PPFIA1: variants seen among roughly 807,000 people sequenced by gnomAD.
The protein encoded by PPFIA1 is PPFI scaffold protein A1.
A neutral mutation model predicts 149.9 loss-of-function variants in PPFIA1; 25 were observed. The observed-to-expected ratio is 0.17, with a 90% CI of 0.12 to 0.23. The LOEUF (loss-of-function observed/expected upper bound fraction) is 0.23. Ranked by LOEUF, PPFIA1 falls within the 10% of genes least tolerant of loss-of-function variation. The pLI is 1.00. For missense variants in PPFIA1, 1,362 were observed against 1,506.5 expected (o/e 0.90, Z 1.59); for synonymous variants, 549 against 552.8 (o/e 0.99, Z 0.10).
intron 2 of PPFIA1, among the ~76,000 whole-genome samples, chr11:70,316,773 A>C (rs1242663680): frequency 6.6e-6 from 1 of 152,268 alleles, no homozygotes; most frequent in East Asian, 1.9e-4. Flanking sequence ...AAGATGGATC[A>C]CTTTTGGCAA....
intron 21 of PPFIA1, among the ~76,000 whole-genome samples, chr11:70,370,552 A>G (rs1288015992): frequency 6.6e-6 from 1 of 151,644 alleles, no homozygotes; most frequent in East Asian, 2.0e-4. Context: ...ATGCCCAGCT[A>G]ATTTTTGTAT....
At chr11:70,282,681 A>G (rs1201669768) in intron 2 of PPFIA1, among the ~76,000 whole-genome samples, 2 of 151,186 alleles carry the variant, frequency 1.3e-5, no homozygotes, top group Non-Finnish European at 1.5e-5. Context: ...GGTGCCCGCC[A>G]CTACATCCAG....
Position 70,277,060 on chromosome 11 carries a change from A to ATATATATATATATT in PPFIA1, c.264+4625_264+4626insATATATATATATTT. ...GAGATATATATATATATATATATAT[A>ATATATATATATATT]TTTTTTTTTTTCCAGGCACAGTCTC... On this transcript the variant is annotated intron_variant, in intron 2 of 27. Coordinates refer to ENST00000253925, the MANE Select transcript of PPFIA1 (RefSeq NM_003626.5). 1.2e-3 allele frequency among the ~76,000 whole-genome samples: 81 copies of ATATATATATATATT among 66,298 alleles called. 1 individual carries two copies. Among genetic ancestry groups the ATATATATATATATT allele is most frequent in the African/African-American group, 9.2e-3 (78 of 8,522 alleles). 43.5% of individuals were successfully genotyped at this position (66,298 alleles called of 152,430 possible). A position where few individuals can be genotyped will look rare whatever the true frequency, so the allele number is the denominator to read the frequency against.
chr11:70,302,086 A>G (rs775181290), intron 2 of PPFIA1, among the ~76,000 whole-genome samples: 1 of 152,244 alleles, frequency 6.6e-6, no homozygotes, highest in Admixed American at 6.5e-5. Context: ...CAGTAGACAG[A>G]ATCCAGCATA....
chr11:70,357,404 CATTTT>C (rs2056410975), intron 19 of PPFIA1, among the ~76,000 whole-genome samples: 1 of 152,080 alleles, frequency 6.6e-6, no homozygotes, highest in Admixed American at 6.6e-5. Flanking sequence ...AAATCTATCT[CATTTT>C]AGTTTTCTTT....
intron 16 of PPFIA1, among the ~76,000 whole-genome samples, chr11:70,353,607 A>T (rs1028880094): frequency 3.9e-5 from 6 of 152,200 alleles, no homozygotes; most frequent in African/African-American, 1.4e-4. Context: ...AAAACAAAAA[A>T]ACCCTGGGAG....
chr11:70,324,204 C>A (rs1353266393), intron 2 of PPFIA1, among the ~76,000 whole-genome samples, 198 bp from the exon 3 acceptor site: 1 of 152,172 alleles, frequency 6.6e-6, no homozygotes, highest in African/African-American at 2.4e-5. Context: ...AGAGGGAAGT[C>A]AGATGGTCTG....
intron 8 of PPFIA1, 42 bp from the exon 9 acceptor site, chr11:70,331,918 A>G (rs1454843554): frequency 1.3e-6 from 2 of 1,579,296 alleles, no homozygotes; most frequent in South Asian, 1.2e-5. Context: ...CTGATCAGCT[A>G]GAAGATTTGT....
chr11:70,273,586 A>G (rs1442620041), intron 2 of PPFIA1, among the ~76,000 whole-genome samples: 3 of 152,220 alleles, frequency 2.0e-5, no homozygotes, highest in Non-Finnish European at 4.4e-5. Flanking sequence ...TAAATGAATA[A>G]GTACTAGCCT....
chr11:70,353,184 G>C (rs149350831), intron 16 of PPFIA1, among the ~76,000 whole-genome samples: 1 of 152,272 alleles, frequency 6.6e-6, no homozygotes, highest in East Asian at 1.9e-4. Flanking sequence ...CAGTAGGATT[G>C]ATACACTTTA....
chr11:70,272,100 C>T, intron 1 of PPFIA1, 73 bp from the exon 2 acceptor site: 2 of 1,472,300 alleles, frequency 1.4e-6, no homozygotes, highest in African/African-American at 1.4e-5. Flanking sequence ...GCTACAGATA[C>T]CTGTAAAGTT....
At chr11:70,286,073 A>G (rs2051098413) in intron 2 of PPFIA1, among the ~76,000 whole-genome samples, 1 of 152,138 alleles carries the variant, frequency 6.6e-6, no homozygotes, top group Non-Finnish European at 1.5e-5. Flanking sequence ...TCAGCTGCCC[A>G]CTGTACTCCT....
At position 70,275,620 on chromosome 11, in the gene PPFIA1, T is replaced by C. The variant is rs114538086; in HGVS notation, c.264+3184T>C. Among the ~76,000 whole-genome samples, 911 of 152,340 alleles carry C rather than the reference T, an allele frequency of 6.0e-3. 9 individuals carry two copies. The highest frequency in any genetic ancestry group is 0.02 in the African/African-American group (823 of 41,574). On this transcript the variant is annotated intron_variant, in intron 2 of 27. Coordinates refer to ENST00000253925, the MANE Select transcript of PPFIA1 (RefSeq NM_003626.5). Reference sequence around the variant, plus strand: ...GGCCAAGAGTCTCTCTTTCTTTTTTTAAATGGATATCTAGTTGACCTTGCA... The same window carrying C: ...GGCCAAGAGTCTCTCTTTCTTTTTTCAAATGGATATCTAGTTGACCTTGCA...
intron 2 of PPFIA1, among the ~76,000 whole-genome samples, chr11:70,287,675 ACT>A (rs1458594743): frequency 2.0e-5 from 3 of 150,394 alleles, no homozygotes; most frequent in African/African-American, 7.3e-5. Context: ...ATGGGGTTTC[ACT>A]CTGTTTCCTA....
Position 70,277,041 on chromosome 11 carries a change from T to C in PPFIA1, c.264+4605T>C, listed in dbSNP as rs1481554543. Among the ~76,000 whole-genome samples the C allele has an allele frequency of 1.4e-3, 42 of 29,080 alleles. No homozygotes were observed. In the East Asian group the frequency reaches 0.028, roughly 19 times the overall value. The allele number at this position is 29,080 out of a possible 152,430, so 19.1% of individuals were successfully genotyped here. ...GCTTTTTTTTTGTTTGATTGAGATA[T>C]ATATATATATATATATATATTTTTT... On this transcript the variant is annotated intron_variant, in intron 2 of 27. Coordinates refer to ENST00000253925, the MANE Select transcript of PPFIA1 (RefSeq NM_003626.5).
At chr11:70,351,863 G>T (rs2056075228) in intron 16 of PPFIA1, among the ~76,000 whole-genome samples, 1 of 152,162 alleles carries the variant, frequency 6.6e-6, no homozygotes. Flanking sequence ...GACCTCCCTG[G>T]CAGCGTTCCT....
intron 2 of PPFIA1, among the ~76,000 whole-genome samples, chr11:70,305,028 C>T (rs890094516): frequency 6.6e-5 from 10 of 152,086 alleles, no homozygotes; most frequent in Non-Finnish European, 1.5e-4. Flanking sequence ...CCAGCATCAC[C>T]AGGCATGACC....
intron 11 of PPFIA1, 34 bp from the exon 12 acceptor site, chr11:70,337,331 A>C (rs763090836): frequency 4.1e-6 from 6 of 1,463,030 alleles, no homozygotes; most frequent in Non-Finnish European, 5.6e-6. Context: ...GGACATTTTA[A>C]AGAAACACTA....
Position 70,325,008 on chromosome 11 carries a change from A to C in PPFIA1, c.528A>C (p.Glu176Asp). The C allele has an allele frequency of 6.2e-7, 1 of 1,605,102 alleles. No homozygotes were observed. Among genetic ancestry groups the C allele is most frequent in the African/African-American group, 1.3e-5 (1 of 74,592 alleles). ...TTGAACACCACAAAGCTCTGGATGA[A>C]AAGGTGCCATCAGCCACATAAGTCT... is the stretch of plus-strand genomic sequence containing the variant. ...SLFEHHKALD[E>D]KVRERLRVAL... The change falls in exon 4 of 28, where the codon GAA becomes GAC. Residue 176 changes from glutamate (E) to aspartate (D), a missense_variant. Coordinates refer to ENST00000253925, the MANE Select transcript of PPFIA1 (RefSeq NM_003626.5).
Sources: gnomAD v4.1 joint callset for allele counts (sites outside exome capture counted in the v4.1 genomes callset) on GRCh38, gnomAD v4.1.1 for gene constraint, MANE v1.5 for transcripts, NCBI Gene and HGNC (gene_info 2026-07-23, HGNC 2026-07-21) for gene names.